Variants in CNTNAP5 observed in about 807,000 individuals in gnomAD.
CNTNAP5 encodes contactin-associated protein-like 5.
Under a neutral mutation model 150.2 loss-of-function variants are expected in CNTNAP5, and 72 were observed. That is an observed-to-expected ratio of 0.48 (90% CI 0.40 to 0.58). CNTNAP5 has a LOEUF of 0.58. Among genes scored for constraint, CNTNAP5 ranks in the 20% least tolerant of loss-of-function variants. The pLI, the probability that CNTNAP5 is intolerant of heterozygous loss-of-function variation, is 0.00. For missense variants in CNTNAP5, 1,636 were observed against 1,626.2 expected, an observed-to-expected ratio of 1.01 and a Z score of -0.10; for synonymous variants, 672 against 619.8, an observed-to-expected ratio of 1.08 and a Z score of -1.25.
At position 124,918,655 on chromosome 2, in the gene CNTNAP5, C is replaced by T. The variant is rs1369749195; in HGVS notation, c.*4367C>T. ...CTTTAAGCTTCCCCATAGCTACCAT[C>T]CATCAAAACCTCATTGCAGCTGTAG... On this transcript the variant is annotated 3_prime_UTR_variant, in exon 24 of 24. Coordinates refer to ENST00000682447, the MANE Select transcript of CNTNAP5 (RefSeq NM_001367498.1). 6.6e-6 allele frequency among the ~76,000 whole-genome samples: 1 copy of T among 152,082 alleles called. No homozygotes were observed. The highest frequency in any genetic ancestry group is 2.4e-5 in the African/African-American group (1 of 41,430).
intron 11 of CNTNAP5, among the ~76,000 whole-genome samples, chr2:124,598,484 G>C (rs1696887391): frequency 6.8e-6 from 1 of 147,192 alleles, no homozygotes; most frequent in Non-Finnish European, 1.5e-5. Context: ...ACCCACTTGA[G>C]GAGGCAGTCT....
intron 12 of CNTNAP5, among the ~76,000 whole-genome samples, chr2:124,631,554 C>T (rs1677860945): frequency 6.6e-6 from 1 of 152,116 alleles, no homozygotes; most frequent in Non-Finnish European, 1.5e-5. Flanking sequence ...CTTCCTTACA[C>T]CTTATACAAA....
In CNTNAP5 at chr2:124,851,824, G is replaced by C. The variant is rs140449636; in HGVS notation, c.3218-13482G>C. Among the ~76,000 whole-genome samples, 4 of 152,320 alleles carry C rather than the reference G, an allele frequency of 2.6e-5. No homozygotes were observed. In the East Asian group the frequency reaches 7.7e-4, roughly 29 times the overall value. Reference sequence around the variant, plus strand: ...TGAAGTTGGCAGTCCTGGATATAAAGTGGCTTATAAACAGTGTGCATGGTT... The same window carrying C: ...TGAAGTTGGCAGTCCTGGATATAAACTGGCTTATAAACAGTGTGCATGGTT... On this transcript the variant is annotated intron_variant, in intron 19 of 23. Coordinates refer to ENST00000682447, the MANE Select transcript of CNTNAP5 (RefSeq NM_001367498.1).
At chr2:124,084,100 T>C (rs566842799) in intron 1 of CNTNAP5, among the ~76,000 whole-genome samples, 33 of 152,262 alleles carry the variant, frequency 2.2e-4, no homozygotes, top group Admixed American at 4.6e-4. Flanking sequence ...CTGGTCATGT[T>C]TTCTTTAGAT....
chr2:124,545,775 G>A lies in CNTNAP5; in HGVS notation c.1650-17442G>A, dbSNP rs558268287. 4.6e-5 allele frequency among the ~76,000 whole-genome samples: 7 copies of A among 152,156 alleles called. No homozygotes were observed. The South Asian group carries it at 1.5e-3, about 32-fold the overall frequency. On this transcript the variant is annotated intron_variant, in intron 10 of 23. Coordinates refer to ENST00000682447, the MANE Select transcript of CNTNAP5 (RefSeq NM_001367498.1). The stretch of plus-strand genomic sequence containing the variant: ...AACCCAGGACACTCTTCAAAGCTAA[G>A]GATGGGTTACAAATAATTTTAAAAT...
chr2:124,091,106 C>G (rs918192541), intron 1 of CNTNAP5, among the ~76,000 whole-genome samples: 1 of 152,054 alleles, frequency 6.6e-6, no homozygotes, highest in Non-Finnish European at 1.5e-5. Flanking sequence ...AAAGAGTCCC[C>G]CAAACAGCGG....
At chr2:124,446,727 A>G in intron 5 of CNTNAP5, 26 bp from the exon 6 acceptor site, 1 of 1,606,014 alleles carries the variant, frequency 6.2e-7, no homozygotes, top group Non-Finnish European at 8.5e-7. Flanking sequence ...CACAGACATC[A>G]TCTTGCCTCT....
Position 124,398,501 on chromosome 2 carries a change from T to TTTATTTATTTATTTAC in CNTNAP5, c.382-18932_382-18931insATTTACTTATTTATTT, listed in dbSNP as rs1464352393. Among the ~76,000 whole-genome samples, 15 of 151,794 alleles carry TTTATTTATTTATTTAC rather than the reference T, an allele frequency of 9.9e-5. No homozygotes were observed. In the East Asian group the frequency reaches 2.7e-3, roughly 27 times the overall value. ...TTTACTTTATTTATTTATTTATTTA[T>TTTATTTATTTATTTAC]TTATTTATTTTTGAGATGAAGTTTT... On this transcript the variant is annotated intron_variant, in intron 3 of 23. Transcript: ENST00000682447.
intron 1 of CNTNAP5, among the ~76,000 whole-genome samples, chr2:124,150,569 C>A (rs1241054241): frequency 6.6e-6 from 1 of 152,146 alleles, no homozygotes; most frequent in African/African-American, 2.4e-5. Flanking sequence ...AGGGTACCAG[C>A]AGATTCAATG....
chr2:124,542,507 C>T (rs57368566), intron 10 of CNTNAP5, among the ~76,000 whole-genome samples: 7,418 of 151,898 alleles, frequency 0.049, 591 homozygotes, highest in African/African-American at 0.17. Context: ...TGCCACAAAG[C>T]AGCCAGCTGC....
At chr2:124,615,962 A>G (rs1223737040) in intron 12 of CNTNAP5, among the ~76,000 whole-genome samples, 1 of 152,052 alleles carries the variant, frequency 6.6e-6, no homozygotes, top group Non-Finnish European at 1.5e-5. Flanking sequence ...TTTGTTGTTT[A>G]TGGACAGGAG....
At chr2:124,625,687 T>C (rs1329885969) in intron 12 of CNTNAP5, among the ~76,000 whole-genome samples, 1 of 152,172 alleles carries the variant, frequency 6.6e-6, no homozygotes, top group African/African-American at 2.4e-5. Flanking sequence ...ATGGGTCTTT[T>C]CATCTTTTAC....
chr2:124,058,777 C>A (rs938352162), intron 1 of CNTNAP5, among the ~76,000 whole-genome samples: 1 of 152,142 alleles, frequency 6.6e-6, no homozygotes, highest in African/African-American at 2.4e-5. Flanking sequence ...CTCTTATGAG[C>A]CAAATTTTGT....
At chr2:124,144,014 C>G (rs1684184798) in intron 1 of CNTNAP5, among the ~76,000 whole-genome samples, 3 of 151,598 alleles carry the variant, frequency 2.0e-5, no homozygotes, top group Admixed American at 2.0e-4. Context: ...AAACAGAGAG[C>G]CAAATCATGA....
At chr2:124,462,933 G>A (rs1250735531) in intron 6 of CNTNAP5, among the ~76,000 whole-genome samples, 1 of 152,232 alleles carries the variant, frequency 6.6e-6, no homozygotes. Context: ...GGCAGATGAG[G>A]GACGAGAACG....
At chr2:124,500,712 G>A (rs1694258218) in intron 7 of CNTNAP5, among the ~76,000 whole-genome samples, 1 of 152,014 alleles carries the variant, frequency 6.6e-6, no homozygotes, top group Admixed American at 6.6e-5. Flanking sequence ...GACATTGTCT[G>A]GGGATCCCTA....
chr2:124,773,998 T>C (rs2104612955), intron 17 of CNTNAP5, among the ~76,000 whole-genome samples: 1 of 151,650 alleles, frequency 6.6e-6, no homozygotes, highest in South Asian at 2.1e-4. Context: ...CTTATAGCTG[T>C]AGTTAAAAAA....
chr2:124,880,026 A>C (rs1237653809), intron 21 of CNTNAP5, among the ~76,000 whole-genome samples: 1 of 152,126 alleles, frequency 6.6e-6, no homozygotes, highest in African/African-American at 2.4e-5. Flanking sequence ...CCCACACAGA[A>C]GGAGAGGGAA....
At chr2:124,087,478 C>T (rs912483938) in intron 1 of CNTNAP5, among the ~76,000 whole-genome samples, 8 of 151,940 alleles carry the variant, frequency 5.3e-5, no homozygotes, top group East Asian at 1.9e-4. Context: ...AATCCCAGCA[C>T]TTTGGGAGGC....
Sources: gnomAD v4.1 joint callset for allele counts (sites outside exome capture counted in the v4.1 genomes callset) on GRCh38, gnomAD v4.1.1 for gene constraint, MANE v1.5 for transcripts, NCBI Gene and HGNC (gene_info 2026-07-23, HGNC 2026-07-21) for gene names.